The following FRMD4B variants were observed in gnomAD, a reference collection of about 807,000 sequenced individuals.
The protein encoded by FRMD4B is FERM domain-containing protein 4B.
A neutral mutation model predicts 141.5 loss-of-function variants in FRMD4B; 74 were observed. The ratio of observed to expected loss-of-function variants is 0.52; its 90% CI spans 0.43 to 0.63. FRMD4B has a LOEUF of 0.63. Ranked by LOEUF, FRMD4B falls within the 30% of genes least tolerant of loss-of-function variation. The pLI is 0.00. For synonymous variants in FRMD4B, 506 were observed against 467.9 expected (o/e 1.08, Z -1.05); for missense variants, 1,366 against 1,253.4 (o/e 1.09, Z -1.36).
At chr3:69,263,754 T>G (rs1232581693) in intron 5 of FRMD4B, among the ~76,000 whole-genome samples, 1 of 150,930 alleles carries the variant, frequency 6.6e-6, no homozygotes, top group Admixed American at 6.6e-5. Context: ...CAATACAAAG[T>G]TAAGAAACAA....
chr3:69,169,036 T>C lies in FRMD4B; in HGVS notation c.*2825A>G, dbSNP rs1168956055. 6.6e-6 allele frequency among the ~76,000 whole-genome samples: 1 copy of C among 151,996 alleles called. No homozygotes were observed. Among genetic ancestry groups the C allele is most frequent in the East Asian group, 1.9e-4 (1 of 5,182 alleles). ...ATGTTGTAAAACTGTACTTGTAATATGCTGGACTTTAAAAAAATTACTATA... is the reference window on the plus strand; with the variant it reads ...ATGTTGTAAAACTGTACTTGTAATACGCTGGACTTTAAAAAAATTACTATA... On this transcript the variant is annotated 3_prime_UTR_variant, in exon 23 of 23. Transcript: ENST00000398540.
chr3:69,199,966 ACTT>A (rs2092949663), intron 11 of FRMD4B, among the ~76,000 whole-genome samples: 1 of 133,414 alleles, frequency 7.5e-6, no homozygotes, highest in Non-Finnish European at 1.6e-5. Context: ...CTGCCCCCAG[ACTT>A]GATTAGGGAA....
intron 18 of FRMD4B, 82 bp downstream of exon 18, chr3:69,189,814 A>T (rs1262458604): frequency 3.7e-6 from 3 of 806,796 alleles, no homozygotes; most frequent in African/African-American, 1.7e-5. Context: ...AAAAACAAAT[A>T]GGCCTTACTT....
intron 1 of FRMD4B, among the ~76,000 whole-genome samples, chr3:69,513,379 C>T (rs1335444020): frequency 2.6e-5 from 4 of 151,988 alleles, no homozygotes; most frequent in African/African-American, 4.8e-5. Flanking sequence ...TGAACAGACC[C>T]GTAACTAATA....
In FRMD4B at chr3:69,197,075, C is replaced by G. The variant is rs997823802; in HGVS notation, c.954-37G>C. ...AAGAAAGCACTCAAATAATTCCCCT[C>G]TGGCCCAGCATGATGCAAAATGTAC... On this transcript the variant is annotated intron_variant, in intron 12 of 22. Coordinates refer to ENST00000398540, the MANE Select transcript of FRMD4B (RefSeq NM_015123.3). 3 of 1,587,584 alleles carry G rather than the reference C, an allele frequency of 1.9e-6. No individual in the cohort carries two copies. In the East Asian group the frequency reaches 6.7e-5, roughly 36 times the overall value.
intron 1 of FRMD4B, among the ~76,000 whole-genome samples, chr3:69,363,654 G>T (rs546704471): frequency 3.9e-5 from 6 of 152,246 alleles, no homozygotes; most frequent in Non-Finnish European, 7.4e-5. Flanking sequence ...CTCCCAAAGT[G>T]CTAGGATTAC....
At chr3:69,523,935 G>A (rs572414363) in intron 1 of FRMD4B, among the ~76,000 whole-genome samples, 1 of 152,288 alleles carries the variant, frequency 6.6e-6, no homozygotes, top group African/African-American at 2.4e-5. Context: ...GCACCACCCA[G>A]CAGAGACTGT....
chr3:69,232,087 G>T (rs1300762171), intron 7 of FRMD4B, among the ~76,000 whole-genome samples: 1 of 152,172 alleles, frequency 6.6e-6, no homozygotes, highest in African/African-American at 2.4e-5. Flanking sequence ...GGGCCCAAAA[G>T]TAGTAGGGGA....
At chr3:69,373,830 A>C (rs751114196) in intron 1 of FRMD4B, among the ~76,000 whole-genome samples, 6 of 152,186 alleles carry the variant, frequency 3.9e-5, no homozygotes, top group Non-Finnish European at 8.8e-5. Flanking sequence ...CTATGATTGC[A>C]CCAATGCACT....
chr3:69,502,663 A>G lies in FRMD4B; in HGVS notation c.-129+39543T>C, dbSNP rs549720070. ...TAAAACACCAAAAGCAATGGCAACAAAAGCCAAAATTGACAAATGGGGTCT... is the reference window on the plus strand; with the variant it reads ...TAAAACACCAAAAGCAATGGCAACAGAAGCCAAAATTGACAAATGGGGTCT... On this transcript the variant is annotated intron_variant, in intron 1 of 5. Coordinates refer to the FRMD4B transcript ENST00000459638. Among the ~76,000 whole-genome samples the G allele has an allele frequency of 2.5e-3, 381 of 152,320 alleles. 3 individuals are homozygous for G. Among genetic ancestry groups the G allele is most frequent in the African/African-American group, 8.7e-3 (360 of 41,566 alleles).
intron 7 of FRMD4B, among the ~76,000 whole-genome samples, chr3:69,248,818 G>A (rs1173480920): frequency 6.6e-6 from 1 of 152,254 alleles, no homozygotes; most frequent in Non-Finnish European, 1.5e-5. Flanking sequence ...GTGAAAGAAA[G>A]CCCCTATTAA....
chr3:69,504,583 G>T (rs1706564236), intron 1 of FRMD4B, among the ~76,000 whole-genome samples: 1 of 152,156 alleles, frequency 6.6e-6, no homozygotes, highest in South Asian at 2.1e-4. Context: ...GGTCTTTTGT[G>T]TCTGGCCTCT....
At chr3:69,535,966 T>C in intron 1 of FRMD4B, 1 of 384,818 alleles carries the variant, frequency 2.6e-6, no homozygotes, top group Non-Finnish European at 5.1e-6. Flanking sequence ...TCTCCTTGGC[T>C]GCTCCTGCTG....
chr3:69,508,606 C>G (rs1186645915), intron 1 of FRMD4B, among the ~76,000 whole-genome samples: 3 of 152,172 alleles, frequency 2.0e-5, no homozygotes, highest in African/African-American at 7.2e-5. Flanking sequence ...TGGTCATCCA[C>G]CTGCCCAGAT....
At chr3:69,417,950 T>C (rs1348449610) in intron 2 of FRMD4B, among the ~76,000 whole-genome samples, 1 of 152,138 alleles carries the variant, frequency 6.6e-6, no homozygotes, top group Non-Finnish European at 1.5e-5. Flanking sequence ...TACATCTCTT[T>C]CTCCTCTGTG....
At chr3:69,218,469 C>T (rs962012785) in intron 9 of FRMD4B, 90 bp from the exon 10 acceptor site, 4 of 624,710 alleles carry the variant, frequency 6.4e-6, no homozygotes, top group Non-Finnish European at 1.1e-5. Flanking sequence ...CACGTTTCTA[C>T]TTTCCTTATT....
chr3:69,180,621 A>T (rs1311987070), intron 21 of FRMD4B, among the ~76,000 whole-genome samples: 1 of 152,106 alleles, frequency 6.6e-6, no homozygotes, highest in Non-Finnish European at 1.5e-5. Context: ...AAACAAAAAA[A>T]AACCCTAAAA....
At chr3:69,282,867 C>T (rs2093650466) in intron 5 of FRMD4B, among the ~76,000 whole-genome samples, 1 of 151,972 alleles carries the variant, frequency 6.6e-6, no homozygotes, top group Admixed American at 6.6e-5. Context: ...GAACTCCTGA[C>T]CTCAAGTGAT....
At chr3:69,360,638 C>G (rs1178711953) in intron 1 of FRMD4B, among the ~76,000 whole-genome samples, 1 of 152,118 alleles carries the variant, frequency 6.6e-6, no homozygotes, top group African/African-American at 2.4e-5. Flanking sequence ...GCTGTTTATC[C>G]TGTAAATTCT....
Sources: allele counts gnomAD v4.1 joint callset (sites outside exome capture counted in the v4.1 genomes callset), GRCh38; gene constraint gnomAD v4.1.1; transcripts MANE v1.5; gene names NCBI Gene and HGNC (gene_info 2026-07-23, HGNC 2026-07-21).